The following EIF2B3 variants were observed in gnomAD, a reference collection of about 807,000 sequenced individuals.
EIF2B3 encodes eukaryotic translation initiation factor 2B subunit gamma.
EIF2B3 carries 20 observed loss-of-function variants against 54.1 expected under a neutral mutation model. That is an observed-to-expected ratio of 0.37 (90% CI 0.26 to 0.54). EIF2B3 has a LOEUF of 0.54. EIF2B3 is among the 20% of genes least tolerant of loss of function. The pLI is 0.86. For missense variants in EIF2B3, 448 were observed against 547.8 expected, an observed-to-expected ratio of 0.82 and a Z score of 1.82; for synonymous variants, 153 against 188.1, an observed-to-expected ratio of 0.81 and a Z score of 1.52.
At chr1:44,862,688 C>T (rs942234951) in intron 10 of EIF2B3, among the ~76,000 whole-genome samples, 3 of 152,160 alleles carry the variant, frequency 2.0e-5, no homozygotes, top group Non-Finnish European at 4.4e-5. Context: ...TGCAGTGGCG[C>T]GATCTCGGCT....
In EIF2B3 at chr1:44,929,886, C is replaced by T. The variant is rs114343287; in HGVS notation, c.455-3147G>A. ...GCAGCTATTACAGTAACTGGGACTT[C>T]AGAATGTGATACAAATTATAGAAAC... is the stretch of plus-strand genomic sequence containing the variant. On this transcript the variant is annotated intron_variant, in intron 4 of 11. Coordinates refer to ENST00000360403, the MANE Select transcript of EIF2B3 (RefSeq NM_020365.5). Among the ~76,000 whole-genome samples the T allele has an allele frequency of 5.2e-3, 788 of 152,284 alleles. 10 individuals are homozygous for T. The highest frequency in any genetic ancestry group is 0.018 in the African/African-American group (757 of 41,560).
At chr1:44,958,820 T>G in intron 3 of EIF2B3, 1 of 1,117,632 alleles carries the variant, frequency 8.9e-7, no homozygotes, top group Non-Finnish European at 1.4e-6. Context: ...TGTTGGACGT[T>G]AGCTCCTGAG....
In EIF2B3 at chr1:44,881,140, G is replaced by A. The variant is rs923226605; in HGVS notation, c.784+472C>T. ...GTCCACGACTGGGCCGGGGATTAGGGATATGACAGCAAACAAGACAGATCC... is the reference window on the plus strand; with the variant it reads ...GTCCACGACTGGGCCGGGGATTAGGAATATGACAGCAAACAAGACAGATCC... On this transcript the variant is annotated intron_variant, in intron 7 of 11. Coordinates refer to ENST00000360403, the MANE Select transcript of EIF2B3 (RefSeq NM_020365.5). The surrounding 1 kb of genome is among the most constrained non-coding windows in gnomAD (Gnocchi z 4.0). Among the ~76,000 whole-genome samples, 2 of 152,156 alleles carry A rather than the reference G, an allele frequency of 1.3e-5. No homozygotes were observed. Among genetic ancestry groups the A allele is most frequent in the African/African-American group, 4.8e-5 (2 of 41,430 alleles).
intron 3 of EIF2B3, among the ~76,000 whole-genome samples, chr1:44,971,365 G>A (rs1050608856): frequency 3.1e-4 from 39 of 127,154 alleles, no homozygotes; most frequent in African/African-American, 1.1e-3. Flanking sequence ...GCGAGACTCC[G>A]TCTCCAGAAA....
At chr1:44,899,674 A>G (rs1643232373) in intron 5 of EIF2B3, among the ~76,000 whole-genome samples, 1 of 152,172 alleles carries the variant, frequency 6.6e-6, no homozygotes, top group Non-Finnish European at 1.5e-5. Context: ...TCAAACAACA[A>G]CAACAACAAC....
chr1:44,972,108 G>A (rs1209580334), intron 3 of EIF2B3, among the ~76,000 whole-genome samples: 1 of 151,920 alleles, frequency 6.6e-6, no homozygotes, highest in African/African-American at 2.4e-5. Context: ...GGAACCATAG[G>A]CTAGGCATGG....
intron 1 of EIF2B3, among the ~76,000 whole-genome samples, chr1:44,984,838 C>T (rs1237901388): frequency 5.1e-5 from 5 of 97,562 alleles, no homozygotes; most frequent in Admixed American, 4.8e-4. Flanking sequence ...CTCGCTCTGT[C>T]GCCCAGGCCG....
intron 4 of EIF2B3, among the ~76,000 whole-genome samples, chr1:44,928,502 T>A (rs1353509245): frequency 9.4e-6 from 1 of 106,696 alleles, no homozygotes; most frequent in African/African-American, 3.1e-5. Context: ...GGCGCTTCGT[T>A]TTTTTTTTTT....
rs1256799241 is a variant in EIF2B3, at chr1:44,879,822, C to G, written c.971G>C (p.Arg324Thr). ...STLGLYMEAN[R>T]QVPKLLSALC... Reference sequence around the variant, plus strand: ...TTTTCTAACTCATGCTCTCACCTGTCTGTTTGCTTCCATGTAGAGTCCCAG... The same window carrying G: ...TTTTCTAACTCATGCTCTCACCTGTGTGTTTGCTTCCATGTAGAGTCCCAG... The change falls in exon 8 of 12, where the codon AGA (arginine) becomes ACA (threonine). Residue 324 changes from arginine (R) to threonine (T), a missense_variant. Transcript: ENST00000360403. The G allele has an allele frequency of 6.2e-7, 1 of 1,613,772 alleles. No individual in the cohort carries two copies. The highest frequency in any genetic ancestry group is 8.5e-7 in the Non-Finnish European group (1 of 1,180,004).
intron 6 of EIF2B3, among the ~76,000 whole-genome samples, chr1:44,892,855 T>C (rs263975): frequency 0.43 from 65,372 of 151,872 alleles, 14,963 homozygotes; most frequent in African/African-American, 0.59. Flanking sequence ...AAGGACACAT[T>C]GTGCAATCTC....
intron 5 of EIF2B3, among the ~76,000 whole-genome samples, chr1:44,910,615 A>T (rs961165657): frequency 1.6e-5 from 1 of 62,434 alleles, no homozygotes; most frequent in Non-Finnish European, 3.5e-5. Flanking sequence ...ATCCCTCCCC[A>T]CCCCCCCAAG....
At chr1:44,874,873 T>G in intron 9 of EIF2B3, 47 bp from the exon 10 acceptor site, 1 of 1,612,478 alleles carries the variant, frequency 6.2e-7, no homozygotes, top group South Asian at 1.1e-5. Flanking sequence ...CTCAACCAAC[T>G]GCAAACCACC....
At chr1:44,936,021 C>T (rs1643943058) in intron 4 of EIF2B3, among the ~76,000 whole-genome samples, 1 of 151,142 alleles carries the variant, frequency 6.6e-6, no homozygotes, top group Non-Finnish European at 1.5e-5. Flanking sequence ...CTGTGGTAAG[C>T]TGATCTCTTC....
At chr1:44,890,966 C>T (rs392410) in intron 6 of EIF2B3, among the ~76,000 whole-genome samples, 38,253 of 152,102 alleles carry the variant, frequency 0.25, 5,974 homozygotes, top group African/African-American at 0.45. Flanking sequence ...TTTACTGCCA[C>T]TGCCTGGTCC....
intron 1 of EIF2B3, among the ~76,000 whole-genome samples, 168 bp from the exon 2 acceptor site, chr1:44,981,345 T>C (rs1024157871): frequency 6.6e-6 from 1 of 152,134 alleles, no homozygotes; most frequent in Non-Finnish European, 1.5e-5. Flanking sequence ...AGATAAACAT[T>C]ATGTCTACCA....
chr1:44,911,496 G>T (rs1052382498), intron 5 of EIF2B3, among the ~76,000 whole-genome samples: 2 of 152,152 alleles, frequency 1.3e-5, no homozygotes, highest in Admixed American at 1.3e-4. Context: ...CCTCTGACTA[G>T]GTCCATCTTC....
rs11556200 is a variant in EIF2B3, at chr1:44,978,366, G to A, written c.243C>T (p.Asp81=). ...MKPDIVCIPD[D]ADMGTADSLR... ...AAGAATCTGCAGTTCCCATGTCAGCGTCATCAGGAATACACACAATATCTG... is the reference window on the plus strand; with the variant it reads ...AAGAATCTGCAGTTCCCATGTCAGCATCATCAGGAATACACACAATATCTG... The change falls in exon 3 of 12, where the codon GAC becomes GAT. Residue 81 remains aspartate (D), a synonymous_variant. Coordinates refer to ENST00000360403, the MANE Select transcript of EIF2B3 (RefSeq NM_020365.5). 0.25 allele frequency: 406,643 copies of A among 1,613,288 alleles called. 53,430 individuals carry two copies. Among genetic ancestry groups the A allele is most frequent in the African/African-American group, 0.39 (29,110 of 74,868 alleles).
intron 6 of EIF2B3, among the ~76,000 whole-genome samples, chr1:44,887,930 T>C (rs953170481): frequency 1.3e-5 from 2 of 152,188 alleles, no homozygotes; most frequent in Non-Finnish European, 2.9e-5. Flanking sequence ...GAAAGGCACC[T>C]AAATGACTAA....
Position 44,881,553 on chromosome 1 carries a change from ACT to A in EIF2B3, c.784+57_784+58del. ...TTGGGCTGGGCTAAGCTGCCCAACC[ACT>A]CTTTCCAAAGGTGCTGCTACCCTTG... On this transcript the variant is annotated intron_variant, in intron 7 of 11. Transcript: ENST00000360403. The surrounding 1 kb of genome is among the most constrained non-coding windows in gnomAD (Gnocchi z 4.0). The A allele has an allele frequency of 6.2e-7, 1 of 1,607,400 alleles. No individual in the cohort carries two copies. The highest frequency in any genetic ancestry group is 8.5e-7 in the Non-Finnish European group (1 of 1,176,070).
Sources: gnomAD v4.1 joint callset for allele counts (sites outside exome capture counted in the v4.1 genomes callset) on GRCh38, gnomAD v4.1.1 for gene constraint, Gnocchi (gnomAD v3.1) non-coding constraint, MANE v1.5 for transcripts, NCBI Gene and HGNC (gene_info 2026-07-23, HGNC 2026-07-21) for gene names.